The following TANC1 variants were observed in gnomAD, a reference collection of about 807,000 sequenced individuals.
TANC1 encodes the protein tetratricopeptide repeat, ankyrin repeat and coiled-coil containing 1, also known as protein TANC1.
TANC1 carries 77 observed loss-of-function variants against 149.7 expected under a neutral mutation model. The ratio of observed to expected loss-of-function variants is 0.51; its 90% CI spans 0.43 to 0.62. The LOEUF is 0.62. Among genes scored for constraint, TANC1 ranks in the 20% least tolerant of loss-of-function variants. The pLI is 0.00. For missense variants in TANC1, 1,985 were observed against 2,321.8 expected (o/e 0.85, Z 2.98); for synonymous variants, 854 against 925.0 (o/e 0.92, Z 1.39).
intron 2 of TANC1, among the ~76,000 whole-genome samples, chr2:159,029,402 A>C (rs562733750): frequency 2.0e-5 from 3 of 152,272 alleles, no homozygotes; most frequent in African/African-American, 7.2e-5. Flanking sequence ...TTTTTAAGTA[A>C]AGGTTTGTAA....
intron 14 of TANC1, among the ~76,000 whole-genome samples, chr2:159,181,692 T>C (rs1204785279): frequency 4.6e-5 from 7 of 152,332 alleles, no homozygotes; most frequent in African/African-American, 1.4e-4. Context: ...AATCTTCCAT[T>C]GATTCTTGTA....
At chr2:159,095,207 A>G (rs765997657) in intron 3 of TANC1, among the ~76,000 whole-genome samples, 5 of 152,014 alleles carry the variant, frequency 3.3e-5, no homozygotes, top group Non-Finnish European at 7.4e-5. Context: ...CGGCCTCCCA[A>G]AATGTTGGGA....
chr2:159,089,554 GTC>G (rs1272469979), intron 3 of TANC1, among the ~76,000 whole-genome samples: 2 of 152,068 alleles, frequency 1.3e-5, no homozygotes, highest in East Asian at 3.9e-4. Flanking sequence ...CAACCCTCAT[GTC>G]TCTCTTTCCC....
intron 7 of TANC1, among the ~76,000 whole-genome samples, chr2:159,159,529 G>A (rs1046202810): frequency 6.6e-6 from 1 of 151,972 alleles, no homozygotes; most frequent in African/African-American, 2.4e-5. Flanking sequence ...ATGACTGAGT[G>A]GATGACTTTT....
At chr2:158,974,907 A>ATTTT (rs3028258) in intron 1 of TANC1, among the ~76,000 whole-genome samples, 38 of 103,276 alleles carry the variant, frequency 3.7e-4, no homozygotes, top group Admixed American at 7.0e-4. Context: ...TAATTTTTGT[A>ATTTT]TTTTTTTTTT....
At chr2:159,116,140 T>TG (rs1213509187) in intron 4 of TANC1, among the ~76,000 whole-genome samples, 2 of 152,012 alleles carry the variant, frequency 1.3e-5, no homozygotes, top group Non-Finnish European at 2.9e-5. Context: ...AAAGTACCTG[T>TG]TAGTGGCTGG....
At chr2:159,119,310 C>T (rs1465300040) in intron 4 of TANC1, among the ~76,000 whole-genome samples, 1 of 152,126 alleles carries the variant, frequency 6.6e-6, no homozygotes, top group East Asian at 1.9e-4. Flanking sequence ...TTGTTTAACC[C>T]ATTGTTTACA....
chr2:159,144,580 G>T (rs1240240863), intron 5 of TANC1, among the ~76,000 whole-genome samples: 2 of 152,136 alleles, frequency 1.3e-5, no homozygotes, highest in Non-Finnish European at 2.9e-5. Context: ...GTTTCACCAT[G>T]TTGGCCAGGC....
chr2:158,988,231 C>T (rs929236356), intron 1 of TANC1, among the ~76,000 whole-genome samples: 7 of 149,538 alleles, frequency 4.7e-5, no homozygotes, highest in Non-Finnish European at 4.4e-5. Flanking sequence ...AGGCTGAGGC[C>T]GAGAGACTTG....
At chr2:159,014,213 T>G (rs1050857930) in intron 2 of TANC1, among the ~76,000 whole-genome samples, 1 of 152,112 alleles carries the variant, frequency 6.6e-6, no homozygotes, top group Non-Finnish European at 1.5e-5. Context: ...GGGCTTACAG[T>G]TCCACATGGC....
At chr2:159,192,606 G>A (rs1016346379) in intron 16 of TANC1, among the ~76,000 whole-genome samples, 5 of 151,988 alleles carry the variant, frequency 3.3e-5, no homozygotes, top group Non-Finnish European at 7.4e-5. Context: ...GAAATCAGGG[G>A]GTGGGGCCCA....
At chr2:159,173,506 G>A (rs1482940826) in intron 11 of TANC1, among the ~76,000 whole-genome samples, 2 of 152,222 alleles carry the variant, frequency 1.3e-5, no homozygotes, top group African/African-American at 4.8e-5. Flanking sequence ...TCGGGAGGCT[G>A]AGGCGGGAGA....
intron 4 of TANC1, among the ~76,000 whole-genome samples, chr2:159,102,660 G>A (rs1415775651): frequency 1.1e-5 from 1 of 87,130 alleles, no homozygotes; most frequent in African/African-American, 4.3e-5. Context: ...GTTGTCCATT[G>A]TTTCATTATT....
intron 14 of TANC1, 22 bp downstream of exon 14, chr2:159,179,185 A>G (rs1406005126): frequency 6.3e-7 from 1 of 1,585,960 alleles, no homozygotes; most frequent in Admixed American, 1.7e-5. Flanking sequence ...GCTTTCTTTC[A>G]GCTCTTTGCA....
intron 3 of TANC1, among the ~76,000 whole-genome samples, chr2:159,091,982 A>T (rs264629): frequency 6.9e-6 from 1 of 145,836 alleles, no homozygotes. Flanking sequence ...GTGTGTGTGT[A>T]TGTATGTAGA....
At chr2:159,071,076 G>T (rs1049029747) in intron 3 of TANC1, among the ~76,000 whole-genome samples, 1 of 152,170 alleles carries the variant, frequency 6.6e-6, no homozygotes, top group Admixed American at 6.5e-5. Context: ...CTCTAGAGAA[G>T]GCTGGTCCCT....
chr2:158,982,983 G>C (rs1319247340), intron 1 of TANC1, among the ~76,000 whole-genome samples: 1 of 152,122 alleles, frequency 6.6e-6, no homozygotes, highest in Non-Finnish European at 1.5e-5. Context: ...TAATTGTTCT[G>C]AGTGTTTTAA....
intron 2 of TANC1, among the ~76,000 whole-genome samples, chr2:159,027,913 C>T (rs2039476768): frequency 6.6e-6 from 1 of 152,098 alleles, no homozygotes; most frequent in Admixed American, 6.6e-5. Context: ...GAAGGTATCA[C>T]GCAGCGAGAG....
intron 7 of TANC1, among the ~76,000 whole-genome samples, 167 bp from the exon 8 acceptor site, chr2:159,163,116 A>G (rs543131005): frequency 6.6e-6 from 1 of 152,330 alleles, no homozygotes; most frequent in African/African-American, 2.4e-5. Context: ...CTGGTAAGCC[A>G]CATTCTTCTA....
Sources: allele counts gnomAD v4.1 joint callset (sites outside exome capture counted in the v4.1 genomes callset), GRCh38; gene constraint gnomAD v4.1.1; transcripts MANE v1.5; gene names NCBI Gene and HGNC (gene_info 2026-07-23, HGNC 2026-07-21).